The following RPS6KC1 variants were observed in gnomAD, a reference collection of about 807,000 sequenced individuals.
RPS6KC1 encodes the protein ribosomal protein S6 kinase C1, also known as inactive ribosomal protein S6 kinase delta-1.
A neutral mutation model predicts 103.8 loss-of-function variants in RPS6KC1; 54 were observed. The ratio of observed to expected loss-of-function variants is 0.52; its 90% confidence interval spans 0.42 to 0.65. RPS6KC1 has a LOEUF of 0.65. Among genes scored for constraint, RPS6KC1 ranks in the 30% least tolerant of loss-of-function variants. RPS6KC1 has a pLI of 0.00. For missense variants in RPS6KC1, 1,151 were observed against 1,253.8 expected, an observed-to-expected ratio of 0.92 and a Z score of 1.24; for synonymous variants, 439 against 438.7, an observed-to-expected ratio of 1.00 and a Z score of -0.01.
the RPS6KC1 span, among the ~76,000 whole-genome samples, chr1:213,369,573 T>G: frequency 6.6e-6 from 1 of 152,236 alleles, no homozygotes; most frequent in Non-Finnish European, 1.5e-5. Context: ...GTGAAACCCA[T>G]TCTTTAGGGC....
the RPS6KC1 span, among the ~76,000 whole-genome samples, chr1:213,451,008 G>C: frequency 1.3e-5 from 2 of 152,030 alleles, no homozygotes; most frequent in Non-Finnish European, 2.9e-5. Context: ...TTGGTTAACT[G>C]GCTGTTGATC....
the RPS6KC1 span, among the ~76,000 whole-genome samples, chr1:213,855,006 G>A: frequency 6.6e-6 from 1 of 152,160 alleles, no homozygotes; most frequent in African/African-American, 2.4e-5. Context: ...CCTCCTGGCC[G>A]GCTTTCACAC....
intron 1 of RPS6KC1, 138 bp from the exon 2 acceptor site, chr1:213,070,868 T>C (rs2078801652): frequency 1.8e-6 from 1 of 560,020 alleles, no homozygotes; most frequent in African/African-American, 2.0e-5. Context: ...TATAGCTGAG[T>C]TTTGGATAAA....
At chr1:213,200,383 G>A (rs1249127003) in intron 8 of RPS6KC1, among the ~76,000 whole-genome samples, 1 of 152,164 alleles carries the variant, frequency 6.6e-6, no homozygotes, top group Non-Finnish European at 1.5e-5. Context: ...AAGCAATGGG[G>A]AAAGGATTCC....
chr1:213,546,090 G>A, the RPS6KC1 span, among the ~76,000 whole-genome samples: 3 of 152,166 alleles, frequency 2.0e-5, no homozygotes, highest in Non-Finnish European at 4.4e-5. Flanking sequence ...GAAATGGGTC[G>A]AATGTTCCTT....
At chr1:213,634,740 T>C in the RPS6KC1 span, among the ~76,000 whole-genome samples, 1 of 149,190 alleles carries the variant, frequency 6.7e-6, no homozygotes, top group Non-Finnish European at 1.5e-5. Flanking sequence ...AGATCAGAAC[T>C]GAAAGAGATA....
the RPS6KC1 span, among the ~76,000 whole-genome samples, chr1:213,523,928 A>G: frequency 1.3e-5 from 2 of 152,156 alleles, no homozygotes; most frequent in Non-Finnish European, 2.9e-5. Context: ...AGGCAGACAC[A>G]TGTTGCAGGC....
the RPS6KC1 span, among the ~76,000 whole-genome samples, chr1:213,446,982 A>G: frequency 3.8e-4 from 58 of 152,340 alleles, no homozygotes; most frequent in African/African-American, 1.3e-3. Flanking sequence ...TAAATGCTCA[A>G]TATATATCAA....
chr1:213,839,516 G>T, the RPS6KC1 span, among the ~76,000 whole-genome samples: 3 of 152,072 alleles, frequency 2.0e-5, no homozygotes, highest in Non-Finnish European at 4.4e-5. Flanking sequence ...GTTCATTATG[G>T]GTTCTCACAA....
At chr1:213,780,267 G>C in the RPS6KC1 span, among the ~76,000 whole-genome samples, 1 of 152,176 alleles carries the variant, frequency 6.6e-6, no homozygotes, top group Non-Finnish European at 1.5e-5. Flanking sequence ...AAGTCCACAA[G>C]TTCACGGGTG....
At chr1:213,699,470 T>TA in the RPS6KC1 span, among the ~76,000 whole-genome samples, 1 of 152,180 alleles carries the variant, frequency 6.6e-6, no homozygotes, top group East Asian at 1.9e-4. Context: ...GATGGACACT[T>TA]AGGTTGCCCT....
At chr1:213,202,235 C>T (rs550256434) in intron 8 of RPS6KC1, among the ~76,000 whole-genome samples, 25 of 152,000 alleles carry the variant, frequency 1.6e-4, no homozygotes, top group Admixed American at 3.3e-4. Context: ...TACTGTATTA[C>T]AGTATCATTA....
chr1:213,080,844 C>T (rs1278673120), intron 3 of RPS6KC1, among the ~76,000 whole-genome samples: 2 of 152,204 alleles, frequency 1.3e-5, no homozygotes, highest in South Asian at 2.1e-4. Context: ...GGATTATAAG[C>T]GTGAGCCACC....
At chr1:213,535,808 C>T in the RPS6KC1 span, among the ~76,000 whole-genome samples, 1 of 152,060 alleles carries the variant, frequency 6.6e-6, no homozygotes, top group African/African-American at 2.4e-5. Context: ...CTTTTAGGCG[C>T]GAGGAGTCCC....
the RPS6KC1 span, among the ~76,000 whole-genome samples, chr1:213,775,239 A>T: frequency 1.3e-5 from 2 of 152,236 alleles, no homozygotes; most frequent in African/African-American, 2.4e-5. Context: ...ATATAAATGT[A>T]CACTTATACA....
the RPS6KC1 span, among the ~76,000 whole-genome samples, chr1:213,331,139 G>A: frequency 6.6e-6 from 1 of 152,228 alleles, no homozygotes; most frequent in Admixed American, 6.5e-5. Flanking sequence ...TAATGTGCTG[G>A]CACAGGAGAC....
the RPS6KC1 span, among the ~76,000 whole-genome samples, chr1:213,627,412 A>G: frequency 1.8e-4 from 28 of 152,104 alleles, no homozygotes; most frequent in East Asian, 5.4e-3. Context: ...AATACCCTTT[A>G]TTTCCTTCTC....
At chr1:213,505,850 T>G in the RPS6KC1 span, among the ~76,000 whole-genome samples, 1 of 152,176 alleles carries the variant, frequency 6.6e-6, no homozygotes, top group African/African-American at 2.4e-5. Flanking sequence ...CTTATCTACT[T>G]CATGGCTTCT....
At position 213,273,404 on chromosome 1, in the gene RPS6KC1, C is replaced by T. The variant is rs994893010; in HGVS notation, c.*770C>T. 2.6e-5 allele frequency: 4 copies of T among 152,614 alleles called. No individual in the cohort carries two copies. In the East Asian group the frequency reaches 5.8e-4, roughly 22 times the overall value. 9.5% of individuals were successfully genotyped at this position (152,614 alleles called of 1,614,324 possible). A position where few individuals can be genotyped will look rare whatever the true frequency, so the allele number is the denominator to read the frequency against. On this transcript the variant is annotated 3_prime_UTR_variant, in exon 15 of 15. Transcript: ENST00000366960. ...ATGCAACAAAAAAGGGAAGGGAGTG[C>T]TTATTTCCCTTTGTGTAAGGACTAA...
Sources: allele counts gnomAD v4.1 joint callset (sites outside exome capture counted in the v4.1 genomes callset), GRCh38; gene constraint gnomAD v4.1.1; transcripts MANE v1.5; gene names NCBI Gene and HGNC (gene_info 2026-07-23, HGNC 2026-07-21).